The following ANKRD31 variants were observed in gnomAD, a reference collection of about 807,000 sequenced individuals.
The protein encoded by ANKRD31 is ankyrin repeat domain-containing protein 31.
A neutral mutation model predicts 186.0 loss-of-function variants in ANKRD31; 147 were observed. The ratio of observed to expected loss-of-function variants is 0.79; its 90% confidence interval spans 0.69 to 0.91. The LOEUF (loss-of-function observed/expected upper bound fraction) is 0.91. Among genes scored for constraint, ANKRD31 ranks in the 40% least tolerant of loss-of-function variants. The probability of loss-of-function intolerance (pLI) is 0.00; values close to 1 mark genes in which losing one functional copy is unlikely to be tolerated. For missense variants in ANKRD31, 1,986 were observed against 2,148.8 expected (o/e 0.92, Z 1.50); for synonymous variants, 673 against 736.4 (o/e 0.91, Z 1.39).
At position 75,146,500 on chromosome 5, in the gene ANKRD31, C is replaced by G. The variant is rs752763590; in HGVS notation, c.2911G>C (p.Ala971Pro). 6.5e-7 allele frequency: 1 copy of G among 1,536,480 alleles called. No homozygotes were observed. The highest frequency in any genetic ancestry group is 1.4e-5 in the African/African-American group (1 of 73,106). ...VSLTTLPEQE[A>P]VNFSYSDNAV... ...TTATCTGAATAAGAAAAATTAACAG[C>G]TTCCTGTTCTGGAAGTGTGGTTAGG... Residue 971 changes from alanine (A) to proline (P), a missense_variant, in exon 14 of 26, where the codon GCT becomes CCT. Coordinates refer to ENST00000506364, the MANE Select transcript of ANKRD31 (RefSeq NM_001372053.1).
At chr5:75,231,906 A>AACAC (rs56755264) in intron 1 of ANKRD31, among the ~76,000 whole-genome samples, 11,058 of 144,520 alleles carry the variant, frequency 0.077, 555 homozygotes, top group East Asian at 0.1. Context: ...ACTGTCTCAA[A>AACAC]ACACACACAC....
At chr5:75,217,309 G>A (rs1182881471) in intron 3 of ANKRD31, among the ~76,000 whole-genome samples, 1 of 152,056 alleles carries the variant, frequency 6.6e-6, no homozygotes, top group East Asian at 1.9e-4. Context: ...ATCTAATACT[G>A]TTGGTGTGGT....
chr5:75,197,953 TCATGTAACGCAGC>T (rs1388351799), intron 6 of ANKRD31, among the ~76,000 whole-genome samples: 1 of 152,068 alleles, frequency 6.6e-6, no homozygotes, highest in Non-Finnish European at 1.5e-5. Flanking sequence ...AAACTGCAAG[TCATGTAACGCAGC>T]CAGAACCTTG....
rs72768330 is a variant in ANKRD31, at chr5:75,110,188, T to C, written c.4243+2325A>G. ...GGAGAAGTTTCTGATTTTAGAGGCA[T>C]TCAAATAAATAGAAAAAGGCCAATG... is the stretch of plus-strand genomic sequence containing the variant. On this transcript the variant is annotated intron_variant, in intron 20 of 25. Transcript: ENST00000506364. 2.0e-3 allele frequency among the ~76,000 whole-genome samples: 299 copies of C among 152,278 alleles called. 2 individuals carry two copies. Among genetic ancestry groups the C allele is most frequent in the Middle Eastern group, 3.4e-3 (1 of 294 alleles).
At chr5:75,134,875 A>G (rs1266426403) in intron 17 of ANKRD31, among the ~76,000 whole-genome samples, 1 of 152,192 alleles carries the variant, frequency 6.6e-6, no homozygotes, top group East Asian at 1.9e-4. Context: ...ATGCAAATCA[A>G]TAAACGTAAT....
chr5:75,156,311 A>G (rs114021003), intron 11 of ANKRD31, among the ~76,000 whole-genome samples: 579 of 152,174 alleles, frequency 3.8e-3, no homozygotes, highest in African/African-American at 0.013. Context: ...ATCACTTTGT[A>G]CTCTGAGATG....
chr5:75,218,839 A>T (rs893520883), intron 3 of ANKRD31, among the ~76,000 whole-genome samples: 11 of 152,190 alleles, frequency 7.2e-5, no homozygotes, highest in African/African-American at 2.4e-4. Context: ...AACATATTCA[A>T]ATCAATAAAT....
chr5:75,086,163 A>G (rs1223015921), intron 23 of ANKRD31, among the ~76,000 whole-genome samples: 15 of 152,222 alleles, frequency 9.9e-5, no homozygotes, highest in Non-Finnish European at 2.2e-4. Context: ...TCTCACCTAT[A>G]TCTCAGACTT....
At chr5:75,163,271 T>C (rs2150177382) in intron 11 of ANKRD31, among the ~76,000 whole-genome samples, 1 of 152,312 alleles carries the variant, frequency 6.6e-6, no homozygotes, top group South Asian at 2.1e-4. Flanking sequence ...CAGGCCTTTT[T>C]GACACTTTCA....
At chr5:75,187,458 T>TAA (rs140221728) in intron 10 of ANKRD31, among the ~76,000 whole-genome samples, 1 of 145,098 alleles carries the variant, frequency 6.9e-6, no homozygotes, top group Admixed American at 6.9e-5. Context: ...ACTGGCACAT[T>TAA]AAAAAAAAAA....
intron 21 of ANKRD31, among the ~76,000 whole-genome samples, 161 bp downstream of exon 21, chr5:75,107,360 A>G (rs950204517): frequency 2.1e-4 from 32 of 152,162 alleles, no homozygotes; most frequent in Admixed American, 7.2e-4. Flanking sequence ...TCTGGGAAGT[A>G]TAATTTTCCA....
In ANKRD31 at chr5:75,195,764, G is replaced by A. The variant is rs1755420078; in HGVS notation, c.884C>T (p.Thr295Ile). The change falls in exon 7 of 26, where the codon ACA (threonine) becomes ATA (isoleucine). Residue 295 changes from threonine (T) to isoleucine (I), a missense_variant. Transcript: ENST00000506364. The part of the protein sequence containing the change: ...LPAELLEALN[T>I]LSEAKVETIC... ...GGTTTCCACCTTGGCTTCTGACAAT[G>A]TGTTCAGGGCTTCCAATAACTCAGC... 2 of 1,537,330 alleles carry A rather than the reference G, an allele frequency of 1.3e-6. No homozygotes were observed. Among genetic ancestry groups the A allele is most frequent in the African/African-American group, 2.7e-5 (2 of 73,012 alleles).
chr5:75,224,812 T>C (rs1421853595), intron 2 of ANKRD31, among the ~76,000 whole-genome samples: 1 of 151,962 alleles, frequency 6.6e-6, no homozygotes. Flanking sequence ...ACTTAAAATT[T>C]CTTCACTGCA....
At chr5:75,222,407 G>A (rs1244760605) in intron 2 of ANKRD31, 49 bp from the exon 3 acceptor site, 1 of 1,330,854 alleles carries the variant, frequency 7.5e-7, no homozygotes, top group Admixed American at 2.2e-5. Flanking sequence ...TTATTGCTCT[G>A]CTTTGATAAT....
chr5:75,125,307 T>C (rs1246280762), intron 17 of ANKRD31, among the ~76,000 whole-genome samples: 2 of 152,234 alleles, frequency 1.3e-5, no homozygotes, highest in African/African-American at 2.4e-5. Flanking sequence ...TTTATTTTTC[T>C]ATTTATTTAG....
At chr5:75,127,915 T>A (rs1029254017) in intron 17 of ANKRD31, among the ~76,000 whole-genome samples, 1 of 152,240 alleles carries the variant, frequency 6.6e-6, no homozygotes, top group Admixed American at 6.5e-5. Flanking sequence ...ATGGTATTTT[T>A]AAATTTTCAA....
chr5:75,190,518 C>A (rs990624366), intron 9 of ANKRD31, among the ~76,000 whole-genome samples: 1 of 151,994 alleles, frequency 6.6e-6, no homozygotes, highest in African/African-American at 2.4e-5. Context: ...GTAGAATTCA[C>A]CTCTGAAGGT....
chr5:75,148,570 A>G lies in ANKRD31; in HGVS notation c.1905+6T>C, dbSNP rs1335469529. On this transcript the variant is annotated splice_donor_region_variant and intron_variant, in intron 13 of 25. Transcript: ENST00000506364. ...TAAAAATGTTTATTACTAAACATAG[A>G]TATACCTTGTGTTGGTACACATCCT... The G allele has an allele frequency of 1.1e-5, 17 of 1,509,010 alleles. No individual in the cohort carries two copies. The highest frequency in any genetic ancestry group is 1.4e-5 in the African/African-American group (1 of 71,916). The allele number at this position is 1,509,010 out of a possible 1,614,324, so 93.5% of individuals were successfully genotyped here.
At chr5:75,144,679 G>C (rs1020115239) in intron 14 of ANKRD31, among the ~76,000 whole-genome samples, 2 of 152,012 alleles carry the variant, frequency 1.3e-5, no homozygotes, top group African/African-American at 4.8e-5. Flanking sequence ...CAGGACATAG[G>C]CATGGGCAAA....
Sources: allele counts gnomAD v4.1 joint callset (sites outside exome capture counted in the v4.1 genomes callset), GRCh38; gene constraint gnomAD v4.1.1; transcripts MANE v1.5; gene names NCBI Gene and HGNC (gene_info 2026-07-23, HGNC 2026-07-21).